Variants in BCL2 observed in about 807,000 individuals in gnomAD.
BCL2 encodes apoptosis regulator Bcl-2.
A neutral mutation model predicts 14.2 loss-of-function variants in BCL2; 1 was observed. The ratio of observed to expected loss-of-function variants is 0.07; its 90% CI spans 0.02 to 0.33. BCL2 has a LOEUF of 0.33. BCL2 is among the 10% of genes least tolerant of loss of function. The pLI, the probability that BCL2 is intolerant of heterozygous loss-of-function variation, is 0.99. For missense variants in BCL2, 247 were observed against 305.9 expected (o/e 0.81, Z 1.44); for synonymous variants, 151 against 137.2 (o/e 1.10, Z -0.70).
intron 2 of BCL2, among the ~76,000 whole-genome samples, chr18:63,199,864 C>T (rs757874489): frequency 2.7e-4 from 41 of 152,066 alleles, no homozygotes; most frequent in Non-Finnish European, 3.2e-4. Context: ...CCTGACATTT[C>T]CAACCACCAC....
intron 2 of BCL2, among the ~76,000 whole-genome samples, chr18:63,218,417 CCTTT>C (rs1330285467): frequency 2.0e-5 from 3 of 152,060 alleles, no homozygotes; most frequent in Non-Finnish European, 2.9e-5. Flanking sequence ...CTCCTTCTTC[CCTTT>C]CTTTTTTTTC....
chr18:63,211,063 CTTTTTTTTTTT>C lies in BCL2; in HGVS notation c.586-82315_586-82305del, dbSNP rs59302545. On this transcript the variant is annotated intron_variant, in intron 2 of 2. Transcript: ENST00000333681. ...TCTTCCCATCTTTTTCTTTTCATTT[CTTTTTTTTTTT>C]TTTTTTTTTTTTTTGAGACAGAGTC... 3.4e-5 allele frequency among the ~76,000 whole-genome samples: 2 copies of C among 59,142 alleles called. 1 individual carries two copies. Among genetic ancestry groups the C allele is most frequent in the South Asian group, 1.9e-3 (2 of 1,038 alleles). The allele number at this position is 59,142 out of a possible 152,430, so 38.8% of individuals were successfully genotyped here.
At chr18:63,259,530 T>C (rs1288077236) in intron 2 of BCL2, among the ~76,000 whole-genome samples, 1 of 152,260 alleles carries the variant, frequency 6.6e-6, no homozygotes, top group African/African-American at 2.4e-5. Context: ...AGCAGCATTT[T>C]ATCAGCAGCA....
chr18:63,279,971 T>C (rs147058018), intron 2 of BCL2, among the ~76,000 whole-genome samples: 1 of 152,326 alleles, frequency 6.6e-6, no homozygotes, highest in East Asian at 1.9e-4. Context: ...AGGGCTATGA[T>C]TGTCAGGGGA....
At chr18:63,130,683 C>A (rs1914040750) in intron 2 of BCL2, among the ~76,000 whole-genome samples, 1 of 152,124 alleles carries the variant, frequency 6.6e-6, no homozygotes, top group African/African-American at 2.4e-5. Flanking sequence ...ATAAAATGTG[C>A]CATACTTTAA....
chr18:63,179,233 A>G (rs1915423483), intron 2 of BCL2, among the ~76,000 whole-genome samples: 1 of 152,184 alleles, frequency 6.6e-6, no homozygotes, highest in African/African-American at 2.4e-5. Flanking sequence ...TGAGTTGGGA[A>G]TGCGCTCAGT....
chr18:63,175,414 T>A (rs934662241), intron 2 of BCL2, among the ~76,000 whole-genome samples: 3 of 152,206 alleles, frequency 2.0e-5, no homozygotes, highest in African/African-American at 7.2e-5. Flanking sequence ...ATTCAAAACA[T>A]CTAGCAACCA....
intron 2 of BCL2, among the ~76,000 whole-genome samples, chr18:63,270,602 T>G (rs898066176): frequency 6.6e-6 from 1 of 152,106 alleles, no homozygotes; most frequent in Admixed American, 6.5e-5. Context: ...CCTGACAACA[T>G]AGATTCTGCG....
intron 2 of BCL2, among the ~76,000 whole-genome samples, chr18:63,218,669 G>A (rs62100192): frequency 7.2e-3 from 11 of 1,538 alleles, no homozygotes; most frequent in Non-Finnish European, 9.6e-3. Context: ...CCATCCTCCA[G>A]TCATCCCCAT....
chr18:63,228,700 C>T (rs1040875256), intron 2 of BCL2, among the ~76,000 whole-genome samples: 1 of 107,324 alleles, frequency 9.3e-6, no homozygotes. Flanking sequence ...ACAGACTTTA[C>T]AGCCAAAAGC....
intron 2 of BCL2, among the ~76,000 whole-genome samples, chr18:63,280,133 A>T (rs930913039): frequency 6.6e-6 from 1 of 152,238 alleles, no homozygotes; most frequent in Non-Finnish European, 1.5e-5. Flanking sequence ...GATTTTTTAA[A>T]TGAAGGAAAA....
chr18:63,306,885 G>A (rs1138828), intron 2 of BCL2, among the ~76,000 whole-genome samples: 18,615 of 148,134 alleles, frequency 0.13, 1,411 homozygotes, highest in Middle Eastern at 0.19. Context: ...TCGTGTTAGC[G>A]TATTTTACGT....
chr18:63,180,556 C>T (rs1326671761), intron 2 of BCL2, among the ~76,000 whole-genome samples: 1 of 127,278 alleles, frequency 7.9e-6, no homozygotes, highest in Non-Finnish European at 1.6e-5. Flanking sequence ...ATCTCCATGG[C>T]GTTTTCCACT....
Position 63,125,657 on chromosome 18 carries a change from C to A in BCL2, c.*2968G>T. On this transcript the variant is annotated 3_prime_UTR_variant, in exon 3 of 3. Coordinates refer to ENST00000333681, the MANE Select transcript of BCL2 (RefSeq NM_000633.3). ...GGGATGGTTCTCTGTTGCCCAACTG[C>A]AAAATAATTAGATATAATGAAAAAA... 1 of 209,654 alleles carries A rather than the reference C, an allele frequency of 4.8e-6. No homozygotes were observed. Among genetic ancestry groups the A allele is most frequent in the Non-Finnish European group, 9.7e-6 (1 of 103,412 alleles). 13.0% of individuals were successfully genotyped at this position (209,654 alleles called of 1,614,324 possible). A position where few individuals can be genotyped will look rare whatever the true frequency, so the allele number is the denominator to read the frequency against.
chr18:63,314,562 T>G (rs1913436461), intron 2 of BCL2: 1 of 152,218 alleles, frequency 6.6e-6, no homozygotes, highest in Non-Finnish European at 1.5e-5. Flanking sequence ...CTCATTCTTC[T>G]AGTGGCTCCT....
At chr18:63,174,674 G>C (rs963669716) in intron 2 of BCL2, among the ~76,000 whole-genome samples, 21 of 151,978 alleles carry the variant, frequency 1.4e-4, no homozygotes, top group African/African-American at 5.1e-4. Context: ...ACCAAAACTA[G>C]CCGGGCGTAG....
intron 2 of BCL2, among the ~76,000 whole-genome samples, chr18:63,285,721 G>A (rs1468701342): frequency 1.3e-5 from 2 of 152,098 alleles, no homozygotes; most frequent in East Asian, 3.8e-4. Context: ...TAGCGGGAGA[G>A]GGTGCACCGT....
At chr18:63,293,749 A>G (rs1912720241) in intron 2 of BCL2, among the ~76,000 whole-genome samples, 1 of 152,258 alleles carries the variant, frequency 6.6e-6, no homozygotes, top group South Asian at 2.1e-4. Context: ...ATGGGATCAA[A>G]GTATAGCCAG....
chr18:63,318,013 C>T lies in BCL2; in HGVS notation c.585+69G>A. 1 of 1,565,040 alleles carries T rather than the reference C, an allele frequency of 6.4e-7. No individual in the cohort carries two copies. Among genetic ancestry groups the T allele is most frequent in the Non-Finnish European group, 8.7e-7 (1 of 1,151,464 alleles). ...AGCCTCCCATTGCCCCAGGAGCCCA[C>T]CCGCACTCCAACCCCCGCATCTCGG... On this transcript the variant is annotated intron_variant, in intron 2 of 2. Coordinates refer to ENST00000333681, the MANE Select transcript of BCL2 (RefSeq NM_000633.3). The surrounding 1 kb of genome is among the most constrained non-coding windows in gnomAD (Gnocchi z 7.4).
Sources: allele counts gnomAD v4.1 joint callset (sites outside exome capture counted in the v4.1 genomes callset), GRCh38; gene constraint gnomAD v4.1.1; non-coding constraint Gnocchi (gnomAD v3.1); transcripts MANE v1.5; gene names NCBI Gene and HGNC (gene_info 2026-07-23, HGNC 2026-07-21).